The following METAP1D variants were observed in gnomAD, a reference collection of about 807,000 sequenced individuals.
METAP1D encodes the protein methionine aminopeptidase 1D, mitochondrial.
In METAP1D, 31 loss-of-function variants were observed where a neutral mutation model predicts 40.5. That is an observed-to-expected ratio of 0.77 (90% CI 0.58 to 1.03). The LOEUF is 1.03. METAP1D is among the 50% of genes least tolerant of loss of function. The probability of loss-of-function intolerance (pLI) is 0.00; values close to 1 mark genes in which losing one functional copy is unlikely to be tolerated. For missense variants in METAP1D, 411 were observed against 420.7 expected (o/e 0.98, Z 0.20); for synonymous variants, 151 against 146.4 (o/e 1.03, Z -0.22).
At chr2:172,045,789 A>C (rs1689733866) in intron 1 of METAP1D, among the ~76,000 whole-genome samples, 1 of 80,100 alleles carries the variant, frequency 1.2e-5, no homozygotes, top group Non-Finnish European at 2.5e-5. Context: ...GTGTATGTAT[A>C]TGTATATATG....
At chr2:172,078,443 G>A (rs941488593) in intron 7 of METAP1D, among the ~76,000 whole-genome samples, 2 of 152,180 alleles carry the variant, frequency 1.3e-5, no homozygotes, top group Non-Finnish European at 2.9e-5. Context: ...TGAGAAGACA[G>A]GGGTGGGCCC....
chr2:172,044,544 G>A lies in METAP1D; in HGVS notation c.41-16954G>A, dbSNP rs554886750. ...TGGGAGGCAGAGGTGGCAGTGAGCC[G>A]AGATCGTGCCACTGCACTCCAGCTT... On this transcript the variant is annotated intron_variant, in intron 1 of 9. Transcript: ENST00000315796. Among the ~76,000 whole-genome samples the A allele has an allele frequency of 6.8e-5, 9 of 131,966 alleles. No individual in the cohort carries two copies. The South Asian group carries it at 2.0e-3, about 29-fold the overall frequency. The allele number at this position is 131,966 out of a possible 152,430, so 86.6% of individuals were successfully genotyped here. A position where few individuals can be genotyped will look rare whatever the true frequency, so the allele number is the denominator to read the frequency against.
chr2:172,005,062 A>G (rs748659233), intron 1 of METAP1D, among the ~76,000 whole-genome samples: 1 of 151,832 alleles, frequency 6.6e-6, no homozygotes, highest in Non-Finnish European at 1.5e-5. Context: ...GGCTAGGCGC[A>G]CACCACCACA....
intron 2 of METAP1D, 96 bp from the exon 3 acceptor site, chr2:172,063,615 G>A: frequency 1.0e-6 from 1 of 952,932 alleles, no homozygotes; most frequent in Non-Finnish European, 1.6e-6. Context: ...CGGCAGGAAG[G>A]GCAGAGCTCC....
chr2:172,007,282 G>A (rs1167218966), intron 1 of METAP1D, among the ~76,000 whole-genome samples: 3 of 151,408 alleles, frequency 2.0e-5, no homozygotes, highest in Non-Finnish European at 2.9e-5. Flanking sequence ...CAATCCTCCT[G>A]CCTCAGCCTT....
chr2:172,011,233 T>G (rs554547614), intron 1 of METAP1D, among the ~76,000 whole-genome samples: 33 of 151,056 alleles, frequency 2.2e-4, no homozygotes, highest in Non-Finnish European at 4.0e-4. Context: ...TAGCAGTCAC[T>G]CCCCAATCTG....
rs1414524248 is a variant in METAP1D at position 172,000,024 on chromosome 2, G to A, written c.40+15G>A. On this transcript the variant is annotated intron_variant, in intron 1 of 9. Coordinates refer to ENST00000315796, the MANE Select transcript of METAP1D (RefSeq NM_199227.3). The stretch of plus-strand genomic sequence containing the variant: ...CGTCCGCAGAGGTAAGCGCGTGGAG[G>A]AGAGCCCCGTGAGGGTTCGCACGGT... 3.0e-6 allele frequency: 4 copies of A among 1,316,924 alleles called. No homozygotes were observed. In the South Asian group the frequency reaches 8.5e-5, roughly 28 times the overall value. The allele number at this position is 1,316,924 out of a possible 1,614,324, so 81.6% of individuals were successfully genotyped here. A position where few individuals can be genotyped will look rare whatever the true frequency, so the allele number is the denominator to read the frequency against.
intron 1 of METAP1D, among the ~76,000 whole-genome samples, chr2:172,007,892 G>A (rs2105374302): frequency 6.6e-6 from 1 of 152,200 alleles, no homozygotes; most frequent in East Asian, 1.9e-4. Flanking sequence ...GTTTCACCAT[G>A]TTGGCCAGGC....
chr2:172,017,235 TACACACACACACACACAC>T (rs370746234), intron 1 of METAP1D, among the ~76,000 whole-genome samples: 1 of 139,438 alleles, frequency 7.2e-6, no homozygotes, highest in African/African-American at 2.7e-5. Context: ...TGAAAGGTTT[TACACACACACACACACAC>T]ACACACACAC....
intron 1 of METAP1D, among the ~76,000 whole-genome samples, chr2:172,038,280 C>T (rs1689440006): frequency 6.6e-6 from 1 of 152,020 alleles, no homozygotes; most frequent in African/African-American, 2.4e-5. Context: ...TTTTATTTGT[C>T]TTATGAGCTA....
chr2:172,076,260 T>C (rs555575440), intron 6 of METAP1D, among the ~76,000 whole-genome samples: 2 of 151,846 alleles, frequency 1.3e-5, no homozygotes, highest in East Asian at 3.9e-4. Context: ...CTTAGAATCA[T>C]TGAGGTTTGT....
chr2:172,015,113 C>T (rs1378605964), intron 1 of METAP1D, among the ~76,000 whole-genome samples: 1 of 152,094 alleles, frequency 6.6e-6, no homozygotes, highest in Admixed American at 6.6e-5. Flanking sequence ...TACCCTTTAA[C>T]TTATTTACTT....
At chr2:172,006,861 A>G (rs1453604258) in intron 1 of METAP1D, among the ~76,000 whole-genome samples, 1 of 152,046 alleles carries the variant, frequency 6.6e-6, no homozygotes, top group Non-Finnish European at 1.5e-5. Context: ...CAGATATATT[A>G]TTTCATCTGT....
At chr2:172,041,350 G>A (rs1159499523) in intron 1 of METAP1D, among the ~76,000 whole-genome samples, 1 of 108,736 alleles carries the variant, frequency 9.2e-6, no homozygotes, top group East Asian at 2.2e-4. Context: ...TCCCAGCTAC[G>A]TGGGAGGCTG....
intron 1 of METAP1D, among the ~76,000 whole-genome samples, chr2:172,027,966 A>G (rs1689155780): frequency 6.6e-6 from 1 of 152,216 alleles, no homozygotes; most frequent in Admixed American, 6.5e-5. Flanking sequence ...CTCAGCTGCA[A>G]GTCTCTTGAT....
chr2:172,048,471 G>T (rs1689809041), intron 1 of METAP1D, among the ~76,000 whole-genome samples: 1 of 152,200 alleles, frequency 6.6e-6, no homozygotes, highest in African/African-American at 2.4e-5. Flanking sequence ...AAGGCTTAAA[G>T]AATTTAACTA....
chr2:172,028,414 T>A (rs1559000159), intron 1 of METAP1D, among the ~76,000 whole-genome samples: 1 of 152,140 alleles, frequency 6.6e-6, no homozygotes, highest in Non-Finnish European at 1.5e-5. Context: ...CTCAAGGCCA[T>A]AATGGGAAGT....
At chr2:172,043,087 A>G (rs1460770284) in intron 1 of METAP1D, among the ~76,000 whole-genome samples, 9 of 29,722 alleles carry the variant, frequency 3.0e-4, no homozygotes, top group African/African-American at 7.7e-4. Context: ...GTGTACATAT[A>G]TTTACATACA....
chr2:172,059,172 G>A (rs1315238255), intron 1 of METAP1D, among the ~76,000 whole-genome samples: 5 of 150,320 alleles, frequency 3.3e-5, no homozygotes, highest in Non-Finnish European at 4.4e-5. Flanking sequence ...GCAGTGGCGC[G>A]ATCTTGGCTC....
Sources: gnomAD v4.1 joint callset for allele counts (sites outside exome capture counted in the v4.1 genomes callset) on GRCh38, gnomAD v4.1.1 for gene constraint, MANE v1.5 for transcripts, NCBI Gene and HGNC (gene_info 2026-07-23, HGNC 2026-07-21) for gene names.